The following TMEM135 variants were observed in gnomAD, a reference collection of about 807,000 sequenced individuals.
TMEM135 encodes the protein transmembrane protein 135.
A neutral mutation model predicts 60.3 loss-of-function variants in TMEM135; 30 were observed. The ratio of observed to expected loss-of-function variants is 0.50; its 90% CI spans 0.37 to 0.68. The LOEUF (loss-of-function observed/expected upper bound fraction) is 0.68, where lower values mean the gene tolerates loss of function less well. TMEM135 is among the 30% of genes least tolerant of loss of function. The pLI is 0.00. For missense variants in TMEM135, 468 were observed against 548.8 expected, an observed-to-expected ratio of 0.85 and a Z score of 1.47; for synonymous variants, 190 against 186.7, an observed-to-expected ratio of 1.02 and a Z score of -0.14.
chr11:87,256,236 A>G (rs1337190399), intron 6 of TMEM135, among the ~76,000 whole-genome samples: 24 of 152,336 alleles, frequency 1.6e-4, no homozygotes, highest in Admixed American at 1.3e-3. Flanking sequence ...GATTCCAACT[A>G]TATAAACTTA....
intron 13 of TMEM135, among the ~76,000 whole-genome samples, chr11:87,318,904 T>G (rs1209333709): frequency 5.3e-5 from 8 of 149,942 alleles, no homozygotes; most frequent in Non-Finnish European, 1.0e-4. Flanking sequence ...GGAATTTTGC[T>G]CTTGTCCAGG....
intron 5 of TMEM135, 65 bp from the exon 6 acceptor site, chr11:87,236,573 T>C (rs1565496507): frequency 4.2e-6 from 6 of 1,442,680 alleles, no homozygotes; most frequent in South Asian, 3.4e-5. Context: ...ATTTTGCTTT[T>C]ATGAGTCACT....
At position 87,321,996 on chromosome 11, in the gene TMEM135, GC is replaced by G; in HGVS notation, c.*664del. On this transcript the variant is annotated 3_prime_UTR_variant, in exon 15 of 15. Transcript: ENST00000305494. The stretch of plus-strand genomic sequence containing the variant: ...TCTCTCTTCATGACCAGTTAATTGG[GC>G]TATTTGGCAGCCCAGTGAACCTATG... The G allele has an allele frequency of 2.2e-6, 1 of 454,346 alleles. No individual in the cohort carries two copies. Among genetic ancestry groups the G allele is most frequent in the African/African-American group, 2.0e-5 (1 of 50,056 alleles). 28.1% of individuals were successfully genotyped at this position (454,346 alleles called of 1,614,324 possible). A position where few individuals can be genotyped will look rare whatever the true frequency, so the allele number is the denominator to read the frequency against.
intron 4 of TMEM135, among the ~76,000 whole-genome samples, chr11:87,150,321 G>T (rs572954062): frequency 2.4e-4 from 37 of 152,080 alleles, no homozygotes; most frequent in Non-Finnish European, 4.9e-4. Context: ...ATTCCACAAT[G>T]CAGAGGCAAC....
At position 87,070,574 on chromosome 11, in the gene TMEM135, T is replaced by TG. The variant is rs745913456; in HGVS notation, c.270-948dup. ...TCGCTTGAACCCAGGAGGCAGAGGT[T>TG]GCAGTGAGCCGAGACTGCACCACTG... On this transcript the variant is annotated intron_variant, in intron 2 of 14. Transcript: ENST00000305494. Among the ~76,000 whole-genome samples, 19 of 152,164 alleles carry TG rather than the reference T, an allele frequency of 1.2e-4. No individual in the cohort carries two copies. In the South Asian group the frequency reaches 3.1e-3, roughly 25 times the overall value.
intron 6 of TMEM135, among the ~76,000 whole-genome samples, chr11:87,265,750 A>G (rs541675487): frequency 6.6e-6 from 1 of 152,212 alleles, no homozygotes; most frequent in East Asian, 1.9e-4. Flanking sequence ...AAACAGGAGC[A>G]CATGGTATTT....
chr11:87,306,024 G>A lies in TMEM135; in HGVS notation c.768+19G>A, dbSNP rs1211964408. 2.7e-6 allele frequency: 4 copies of A among 1,484,398 alleles called. No homozygotes were observed. Among genetic ancestry groups the A allele is most frequent in the Non-Finnish European group, 2.8e-6 (3 of 1,075,130 alleles). 92.0% of individuals were successfully genotyped at this position (1,484,398 alleles called of 1,614,324 possible). On this transcript the variant is annotated intron_variant, in intron 9 of 14. Coordinates refer to ENST00000305494, the MANE Select transcript of TMEM135 (RefSeq NM_022918.4). ...CATTAAAGTAAGTATATGAAAGTATGTACTTTATTAACAGTAGGGAATGGG... is the reference window on the plus strand; with the variant it reads ...CATTAAAGTAAGTATATGAAAGTATATACTTTATTAACAGTAGGGAATGGG...
intron 4 of TMEM135, among the ~76,000 whole-genome samples, chr11:87,120,110 C>CTTTTTTTTTTTT (rs770897413): frequency 1.5e-5 from 2 of 130,910 alleles, no homozygotes; most frequent in Non-Finnish European, 3.2e-5. Context: ...TTTTTTTCTT[C>CTTTTTTTTTTTT]TTCTTCTTTT....
chr11:87,156,944 T>C (rs1314232457), intron 4 of TMEM135, among the ~76,000 whole-genome samples: 1 of 152,220 alleles, frequency 6.6e-6, no homozygotes, highest in Non-Finnish European at 1.5e-5. Context: ...TTTGAAACAA[T>C]TAAGTTTGAG....
At chr11:87,067,500 A>C (rs1856689556) in intron 1 of TMEM135, among the ~76,000 whole-genome samples, 194 bp from the exon 2 acceptor site, 1 of 152,126 alleles carries the variant, frequency 6.6e-6, no homozygotes, top group Non-Finnish European at 1.5e-5. Context: ...TCCTTGGTGT[A>C]TATTTTACCC....
rs1279845000 is a variant in TMEM135, at chr11:87,327,884, C to T, written c.*6551C>T. On this transcript the variant is annotated 3_prime_UTR_variant, in exon 15 of 15. Coordinates refer to ENST00000305494, the MANE Select transcript of TMEM135 (RefSeq NM_022918.4). ...CCTGCTGCAGGGGAGAGAGAGAAGC[C>T]AATTCTCCTTTCTTCTGTTTTTATT... 2 of 453,754 alleles carry T rather than the reference C, an allele frequency of 4.4e-6. No homozygotes were observed. Among genetic ancestry groups the T allele is most frequent in the Non-Finnish European group, 8.8e-6 (2 of 226,766 alleles). 28.1% of individuals were successfully genotyped at this position (453,754 alleles called of 1,614,324 possible).
intron 4 of TMEM135, among the ~76,000 whole-genome samples, chr11:87,126,549 TG>T (rs1249932882): frequency 6.6e-6 from 1 of 151,638 alleles, no homozygotes; most frequent in Non-Finnish European, 1.5e-5. Context: ...TCGCTAAAAA[TG>T]TATACATTTA....
rs545358042 is a variant in TMEM135, at chr11:87,193,745, A to G, written c.462+36339A>G. On this transcript the variant is annotated intron_variant, in intron 5 of 14. Transcript: ENST00000305494. ...TTTAAGTCTTGAATTGTTCACTTAA[A>G]GACCATATATATTCTTATATATTAT... 1.0e-4 allele frequency among the ~76,000 whole-genome samples: 15 copies of G among 148,122 alleles called. No homozygotes were observed. In the South Asian group the frequency reaches 3.2e-3, roughly 32 times the overall value.
intron 4 of TMEM135, among the ~76,000 whole-genome samples, chr11:87,106,898 T>G (rs1190002882): frequency 6.6e-6 from 1 of 152,112 alleles, no homozygotes. Flanking sequence ...TCAGGAAGCT[T>G]ACAGTCATGG....
intron 3 of TMEM135, among the ~76,000 whole-genome samples, chr11:87,087,663 A>G (rs900698525): frequency 6.6e-6 from 1 of 152,208 alleles, no homozygotes. Context: ...CATCAAGTGT[A>G]CCAAGAATAA....
chr11:87,118,949 T>G (rs1380684735), intron 4 of TMEM135, among the ~76,000 whole-genome samples: 1 of 152,218 alleles, frequency 6.6e-6, no homozygotes, highest in East Asian at 1.9e-4. Flanking sequence ...GTGGTTGGTT[T>G]AATCTTCTAT....
intron 5 of TMEM135, among the ~76,000 whole-genome samples, chr11:87,160,184 T>C (rs2135272158): frequency 6.6e-6 from 1 of 152,336 alleles, no homozygotes; most frequent in Middle Eastern, 3.4e-3. Flanking sequence ...TGCATGTGTT[T>C]CCTCCTCCCT....
intron 6 of TMEM135, among the ~76,000 whole-genome samples, chr11:87,249,444 A>G (rs1941365887): frequency 6.6e-6 from 1 of 151,758 alleles, no homozygotes. Context: ...GATCTTTTGT[A>G]TTTTTTGTGT....
At chr11:87,141,412 G>A (rs1031108456) in intron 4 of TMEM135, among the ~76,000 whole-genome samples, 1 of 152,066 alleles carries the variant, frequency 6.6e-6, no homozygotes, top group African/African-American at 2.4e-5. Context: ...GAAAACAATT[G>A]TGTATTGAAT....
Sources: allele counts gnomAD v4.1 joint callset (sites outside exome capture counted in the v4.1 genomes callset), GRCh38; gene constraint gnomAD v4.1.1; transcripts MANE v1.5; gene names NCBI Gene and HGNC (gene_info 2026-07-23, HGNC 2026-07-21).